The following SRPK1 variants were observed in gnomAD, a reference collection of about 807,000 sequenced individuals.
The protein encoded by SRPK1 is SFRS protein kinase 1.
SRPK1 carries 52 observed loss-of-function variants against 89.5 expected under a neutral mutation model. That is an observed-to-expected ratio of 0.58 (90% CI 0.46 to 0.73). SRPK1 has a LOEUF of 0.73. Ranked by LOEUF, SRPK1 falls within the 30% of genes least tolerant of loss-of-function variation. The probability of loss-of-function intolerance (pLI) is 0.00; values close to 1 mark genes in which losing one functional copy is unlikely to be tolerated. For missense variants in SRPK1, 603 were observed against 780.6 expected (o/e 0.77, Z 2.71); for synonymous variants, 255 against 270.2 (o/e 0.94, Z 0.55).
intron 12 of SRPK1, among the ~76,000 whole-genome samples, chr6:35,860,598 T>C (rs1035471643): frequency 6.6e-6 from 1 of 152,216 alleles, no homozygotes; most frequent in Admixed American, 6.5e-5. Context: ...AAAATATTTA[T>C]TGAGTACCTA....
At chr6:35,858,330 CTT>C (rs1467982381) in intron 12 of SRPK1, among the ~76,000 whole-genome samples, 3 of 151,766 alleles carry the variant, frequency 2.0e-5, no homozygotes, top group South Asian at 2.1e-4. Context: ...AACTGTGACA[CTT>C]TGTCACCTAA....
At chr6:35,904,314 T>C (rs905740920) in intron 2 of SRPK1, among the ~76,000 whole-genome samples, 4 of 152,102 alleles carry the variant, frequency 2.6e-5, no homozygotes, top group African/African-American at 9.7e-5. Context: ...CCAAAGCTAA[T>C]CCTCCACTAC....
At chr6:35,890,266 AAAAAAACCCCC>A (rs1404778553) in intron 3 of SRPK1, among the ~76,000 whole-genome samples, 1 of 152,226 alleles carries the variant, frequency 6.6e-6, no homozygotes, top group East Asian at 1.9e-4. Context: ...AAAACAAAAC[AAAAAAACCCCC>A]AAAAAACCAG....
chr6:35,914,272 T>C (rs1262385372), intron 2 of SRPK1, among the ~76,000 whole-genome samples: 1 of 152,146 alleles, frequency 6.6e-6, no homozygotes, highest in Non-Finnish European at 1.5e-5. Flanking sequence ...TCACCAGACC[T>C]GGCTAGGATA....
intron 2 of SRPK1, among the ~76,000 whole-genome samples, chr6:35,912,386 T>C (rs756992309): frequency 6.6e-6 from 1 of 152,092 alleles, no homozygotes; most frequent in Non-Finnish European, 1.5e-5. Context: ...CAAGACCTTA[T>C]ACCAGCAAAA....
chr6:35,878,208 C>T (rs1347691908), intron 6 of SRPK1, among the ~76,000 whole-genome samples: 2 of 152,118 alleles, frequency 1.3e-5, no homozygotes, highest in Admixed American at 6.6e-5. Context: ...TGTCATTTCC[C>T]ACTGAATGGA....
rs570331388 is a variant in SRPK1 at position 35,849,054 on chromosome 6, T to C, written c.1621-6450A>G. Reference sequence around the variant, plus strand: ...GAAACAATAGTGTGAAGAGATAACCTATGGGTTGGGAAAAAATATTTGCAT... The same window carrying C: ...GAAACAATAGTGTGAAGAGATAACCCATGGGTTGGGAAAAAATATTTGCAT... On this transcript the variant is annotated intron_variant, in intron 13 of 15. Coordinates refer to ENST00000373825, the MANE Select transcript of SRPK1 (RefSeq NM_003137.5). Among the ~76,000 whole-genome samples the C allele has an allele frequency of 1.5e-3, 223 of 152,234 alleles. 3 individuals carry two copies. The highest frequency in any genetic ancestry group is 5.0e-3 in the African/African-American group (206 of 41,536).
intron 6 of SRPK1, among the ~76,000 whole-genome samples, chr6:35,878,106 G>GAAA: frequency 6.6e-6 from 1 of 152,290 alleles, no homozygotes; most frequent in Middle Eastern, 3.4e-3. Flanking sequence ...GGAAGGAGGT[G>GAAA]AAAGTATGTG....
chr6:35,868,495 T>C (rs1769959655), intron 12 of SRPK1, among the ~76,000 whole-genome samples: 1 of 152,060 alleles, frequency 6.6e-6, no homozygotes. Flanking sequence ...GCGTGCAGAG[T>C]CTCATCACAA....
At chr6:35,861,788 T>A (rs1041813384) in intron 12 of SRPK1, among the ~76,000 whole-genome samples, 35 of 152,354 alleles carry the variant, frequency 2.3e-4, no homozygotes, top group Non-Finnish European at 3.2e-4. Flanking sequence ...ACAGGCTTTT[T>A]TGAGACTGAG....
rs1769992996 is a variant in SRPK1 at position 35,869,882 on chromosome 6, G to A, written c.1011C>T (p.Gly337=). The change falls in exon 11 of 16, where the codon GGC becomes GGT. Residue 337 remains glycine (G), a synonymous_variant. Coordinates refer to ENST00000373825, the MANE Select transcript of SRPK1 (RefSeq NM_003137.5). Reference sequence around the variant, plus strand: ...CACGTTCCATAAGCGTTTGATCCTGGCCAATGGTACTTGACTCTTCTAAGG... The same window carrying A: ...CACGTTCCATAAGCGTTTGATCCTGACCAATGGTACTTGACTCTTCTAAGG... ...QEKLEESSTI[G]QDQTLMERDT... The A allele has an allele frequency of 1.3e-6, 2 of 1,576,140 alleles. No homozygotes were observed. The highest frequency in any genetic ancestry group is 4.5e-5 in the East Asian group (2 of 44,616).
chr6:35,899,165 C>A (rs1770688527), intron 2 of SRPK1, among the ~76,000 whole-genome samples: 1 of 152,112 alleles, frequency 6.6e-6, no homozygotes. Context: ...ATCTCACAAA[C>A]AAAACAAAAC....
At position 35,912,038 on chromosome 6, in the gene SRPK1, T is replaced by C. The variant is rs143649284; in HGVS notation, c.74+8430A>G. The stretch of plus-strand genomic sequence containing the variant: ...CAGATGAGTCAGCAGCCATCAATAC[T>C]GAGGCAAGACCATAGCTGGGTGCAG... On this transcript the variant is annotated intron_variant, in intron 2 of 15. Transcript: ENST00000373825. Among the ~76,000 whole-genome samples, 13 of 152,206 alleles carry C rather than the reference T, an allele frequency of 8.5e-5. No individual in the cohort carries two copies. In the East Asian group the frequency reaches 2.5e-3, roughly 29 times the overall value.
At chr6:35,896,177 G>A (rs1046543732) in intron 2 of SRPK1, among the ~76,000 whole-genome samples, 6 of 152,288 alleles carry the variant, frequency 3.9e-5, no homozygotes, top group Admixed American at 2.6e-4. Context: ...CACTGGAAAC[G>A]GGGGAGAGGC....
intron 13 of SRPK1, among the ~76,000 whole-genome samples, chr6:35,843,205 T>C (rs2151079174): frequency 6.6e-6 from 1 of 151,934 alleles, no homozygotes; most frequent in East Asian, 1.9e-4. Flanking sequence ...CCTGACCTCG[T>C]GATCTGCCAA....
chr6:35,883,892 G>C (rs145781209), intron 6 of SRPK1, among the ~76,000 whole-genome samples: 1 of 151,962 alleles, frequency 6.6e-6, no homozygotes, highest in East Asian at 1.9e-4. Context: ...CTGCCACCAC[G>C]CCCAGCTTTT....
At chr6:35,836,250 A>G (rs1351047887) in intron 15 of SRPK1, among the ~76,000 whole-genome samples, 1 of 152,064 alleles carries the variant, frequency 6.6e-6, no homozygotes, top group Non-Finnish European at 1.5e-5. Flanking sequence ...AATGCCTGAC[A>G]ATCTGAGGTG....
At chr6:35,895,825 A>G (rs184261946) in intron 2 of SRPK1, 1 of 152,174 alleles carries the variant, frequency 6.6e-6, no homozygotes, top group Non-Finnish European at 1.5e-5. Flanking sequence ...TACACAGTTG[A>G]CCATGCTTTG....
At chr6:35,850,945 G>T (rs1239185363) in intron 13 of SRPK1, among the ~76,000 whole-genome samples, 2 of 152,184 alleles carry the variant, frequency 1.3e-5, no homozygotes, top group Non-Finnish European at 2.9e-5. Context: ...ACTAGGGAAA[G>T]AAAATAGGAT....
Sources: gnomAD v4.1 joint callset for allele counts (sites outside exome capture counted in the v4.1 genomes callset) on GRCh38, gnomAD v4.1.1 for gene constraint, MANE v1.5 for transcripts, NCBI Gene and HGNC (gene_info 2026-07-23, HGNC 2026-07-21) for gene names.